Variants in RYR2 observed in about 807,000 individuals in gnomAD.
The protein encoded by RYR2 is ryanodine receptor 2.
In RYR2, 227 loss-of-function variants were observed where a neutral mutation model predicts 601.1. The ratio of observed to expected loss-of-function variants is 0.38; its 90% CI spans 0.34 to 0.42. The LOEUF (loss-of-function observed/expected upper bound fraction) is 0.42. RYR2 is among the 10% of genes least tolerant of loss of function. RYR2 has a pLI of 1.00. For missense variants in RYR2, 4,646 were observed against 6,156.5 expected (o/e 0.75, Z 8.21); for synonymous variants, 2,223 against 2,175.1 (o/e 1.02, Z -0.61).
chr1:237,671,864 C>T (rs1477289450), intron 58 of RYR2, among the ~76,000 whole-genome samples: 1 of 152,100 alleles, frequency 6.6e-6, no homozygotes, highest in Non-Finnish European at 1.5e-5. Context: ...TTTCCCACTG[C>T]CACTTCAAGT....
At chr1:237,578,710 GATA>G (rs2148350422) in intron 29 of RYR2, among the ~76,000 whole-genome samples, 1 of 77,020 alleles carries the variant, frequency 1.3e-5, no homozygotes, top group Admixed American at 1.1e-4. Context: ...CTGCAGTTTT[GATA>G]AGGTGGTGGG....
At chr1:237,761,370 ACTTT>A (rs1693423038) in intron 84 of RYR2, among the ~76,000 whole-genome samples, 1 of 152,084 alleles carries the variant, frequency 6.6e-6, no homozygotes, top group Admixed American at 6.5e-5. Flanking sequence ...AGAACATTTG[ACTTT>A]CTTTGGCCAC....
intron 27 of RYR2, among the ~76,000 whole-genome samples, chr1:237,551,998 A>C (rs1457108212): frequency 3.9e-5 from 6 of 152,308 alleles, no homozygotes; most frequent in African/African-American, 1.4e-4. Flanking sequence ...GTAAAGACAT[A>C]CTTGGCATCT....
At chr1:237,720,757 C>CAGT (rs1247941554) in intron 73 of RYR2, among the ~76,000 whole-genome samples, 3 of 152,126 alleles carry the variant, frequency 2.0e-5, no homozygotes, top group Non-Finnish European at 4.4e-5. Context: ...AGAGAGTGCT[C>CAGT]AGTACCTCTT....
At position 237,732,058 on chromosome 1, in the gene RYR2, G is replaced by A; in HGVS notation, c.10948G>A (p.Glu3650Lys). ...GACTTTTTTGCAGAAACCTGGGGCT[G>A]AACCTCCAGAAGAAGATGAAGGCAC... is the stretch of plus-strand genomic sequence containing the variant. ...LIEDLAKPGA[E>K]PPEEDEGTKR... Residue 3650 changes from glutamate to lysine, a missense_variant, in exon 78 of 105, where the codon GAA (glutamate) becomes AAA (lysine). Glu to Lys is a moderately conservative substitution (Grantham distance 56, BLOSUM62 1). Coordinates refer to ENST00000366574, the MANE Select transcript of RYR2 (RefSeq NM_001035.3). The A allele has an allele frequency of 6.2e-7, 1 of 1,601,438 alleles. No individual in the cohort carries two copies. The highest frequency in any genetic ancestry group is 1.7e-4 in the Middle Eastern group (1 of 5,994).
chr1:237,392,722 A>G (rs1229086106), intron 10 of RYR2, among the ~76,000 whole-genome samples: 2 of 152,160 alleles, frequency 1.3e-5, no homozygotes, highest in Non-Finnish European at 2.9e-5. Flanking sequence ...GCATACTTTT[A>G]TATTGATACA....
At position 237,465,104 on chromosome 1, in the gene RYR2, A is replaced by G. The variant is rs1355287099; in HGVS notation, c.1613-3988A>G. On this transcript the variant is annotated intron_variant, in intron 16 of 104. Transcript: ENST00000366574. Reference sequence around the variant, plus strand: ...TACACACACATGCACACACACACACACACACACACGCATGCATGCACGATG... The same window carrying G: ...TACACACACATGCACACACACACACGCACACACACGCATGCATGCACGATG... 2.0e-5 allele frequency among the ~76,000 whole-genome samples: 3 copies of G among 151,952 alleles called. No homozygotes were observed. The South Asian group carries it at 6.2e-4, about 31-fold the overall frequency.
chr1:237,485,054 C>T (rs748690258), intron 17 of RYR2, among the ~76,000 whole-genome samples: 11 of 152,054 alleles, frequency 7.2e-5, no homozygotes, highest in Admixed American at 2.0e-4. Context: ...AGAAATTTGC[C>T]GAATTCACCA....
At chr1:237,102,791 G>T (rs931665947) in intron 1 of RYR2, among the ~76,000 whole-genome samples, 4 of 152,100 alleles carry the variant, frequency 2.6e-5, no homozygotes, top group African/African-American at 7.2e-5. Context: ...GGAGGTGGAG[G>T]TTGCAGTGAG....
At chr1:237,652,246 T>C (rs622625) in intron 51 of RYR2, among the ~76,000 whole-genome samples, 29,567 of 152,166 alleles carry the variant, frequency 0.19, 3,409 homozygotes, top group East Asian at 0.45. Flanking sequence ...TATGCAATTA[T>C]AGTTTGTCAC....
intron 3 of RYR2, among the ~76,000 whole-genome samples, chr1:237,350,602 A>AATATATATATATATATATAT (rs1177777241): frequency 3.5e-4 from 13 of 36,998 alleles, no homozygotes; most frequent in Non-Finnish European, 4.5e-4. Context: ...AAAAAAAAAA[A>AATATATATATATATATATAT]ATATATATAT....
chr1:237,151,811 T>C (rs1245725353), intron 1 of RYR2, among the ~76,000 whole-genome samples: 1 of 152,172 alleles, frequency 6.6e-6, no homozygotes, highest in Non-Finnish European at 1.5e-5. Flanking sequence ...GGGTGTGGCA[T>C]GGACATTGAT....
intron 1 of RYR2, among the ~76,000 whole-genome samples, chr1:237,094,047 G>C (rs1320841749): frequency 1.3e-5 from 2 of 152,216 alleles, no homozygotes; most frequent in African/African-American, 4.8e-5. Context: ...CCTCTGTTTG[G>C]AAGGGCCAGT....
At chr1:237,654,728 C>T (rs1271578124) in intron 52 of RYR2, among the ~76,000 whole-genome samples, 2 of 152,126 alleles carry the variant, frequency 1.3e-5, no homozygotes, top group African/African-American at 2.4e-5. Context: ...GTCCCATCTC[C>T]AATCTTATAA....
At chr1:237,308,028 C>T (rs566440425) in intron 2 of RYR2, among the ~76,000 whole-genome samples, 4 of 151,910 alleles carry the variant, frequency 2.6e-5, no homozygotes, top group African/African-American at 2.4e-5. Context: ...TGACTGAGGG[C>T]TAGGAAAATG....
In RYR2 at chr1:237,589,898, G is replaced by A. The variant is rs765263326; in HGVS notation, c.3704G>A (p.Gly1235Asp). Residue 1235 changes from glycine to aspartate, a missense_variant, in exon 30 of 105, where the codon GGC becomes GAC. Coordinates refer to ENST00000366574, the MANE Select transcript of RYR2 (RefSeq NM_001035.3). The part of the protein sequence containing the change: ...KYFTICGLQE[G>D]YEPFAVNTNR... ...TTCACCATCTGTGGCTTACAAGAGG[G>A]CTATGAACCATTTGCCGTTAATACA... The A allele has an allele frequency of 1.2e-6, 2 of 1,613,882 alleles. No individual in the cohort carries two copies. Among genetic ancestry groups the A allele is most frequent in the Non-Finnish European group, 1.7e-6 (2 of 1,179,874 alleles).
chr1:237,219,082 G>A (rs1055451198), intron 1 of RYR2, among the ~76,000 whole-genome samples: 9 of 146,110 alleles, frequency 6.2e-5, no homozygotes, highest in Non-Finnish European at 1.2e-4. Flanking sequence ...GTGCAATCTC[G>A]GCTCACCACA....
At chr1:237,259,191 G>T (rs954411819) in intron 1 of RYR2, among the ~76,000 whole-genome samples, 1 of 152,028 alleles carries the variant, frequency 6.6e-6, no homozygotes, top group Non-Finnish European at 1.5e-5. Context: ...TACTTCTGTA[G>T]CTATATTATT....
chr1:237,756,999 A>T (rs760234963), intron 81 of RYR2, among the ~76,000 whole-genome samples: 1 of 152,238 alleles, frequency 6.6e-6, no homozygotes. Context: ...CTGTTTCAAG[A>T]TGATTTTTTG....
Sources: gnomAD v4.1 joint callset for allele counts (sites outside exome capture counted in the v4.1 genomes callset) on GRCh38, gnomAD v4.1.1 for gene constraint, MANE v1.5 for transcripts, NCBI Gene and HGNC (gene_info 2026-07-23, HGNC 2026-07-21) for gene names.